The following ZNF420 variants were observed in gnomAD, a reference collection of about 807,000 sequenced individuals.
ZNF420 encodes zinc finger protein 420.
Under a neutral mutation model 44.7 loss-of-function variants are expected in ZNF420, and 31 were observed. The observed-to-expected ratio is 0.69, with a 90% CI of 0.52 to 0.94. The LOEUF is 0.94. Ranked by LOEUF, ZNF420 falls within the 40% of genes least tolerant of loss-of-function variation. ZNF420 has a pLI of 0.00. For missense variants in ZNF420, 681 were observed against 827.9 expected, an observed-to-expected ratio of 0.82 and a Z score of 2.18; for synonymous variants, 245 against 267.4, an observed-to-expected ratio of 0.92 and a Z score of 0.82.
At chr19:37,060,266 C>T (rs1156434600) in intron 1 of ZNF420, among the ~76,000 whole-genome samples, 1 of 152,146 alleles carries the variant, frequency 6.6e-6, no homozygotes, top group Non-Finnish European at 1.5e-5. Context: ...TGTATCTCCT[C>T]GCGTCTCTTC....
rs778151573 is a variant in ZNF420 at position 37,128,158 on chromosome 19, G to A, written c.1167G>A (p.Lys389=). The stretch of plus-strand genomic sequence containing the variant: ...ACCAGAGAATTCACACCAATGAAAA[G>A]CCCTATGAATGTAAGGAATGTGGAA... ...TQHQRIHTNE[K]PYECKECGKM... The change falls in exon 5 of 5, where the codon AAG becomes AAA. Residue 389 remains lysine (K), a synonymous_variant. Coordinates refer to ENST00000337995, the MANE Select transcript of ZNF420 (RefSeq NM_144689.5). 1.9e-6 allele frequency: 3 copies of A among 1,613,622 alleles called. No individual in the cohort carries two copies. Among genetic ancestry groups the A allele is most frequent in the Non-Finnish European group, 2.5e-6 (3 of 1,179,894 alleles).
intron 1 of ZNF420, among the ~76,000 whole-genome samples, chr19:37,068,256 G>A (rs1968002040): frequency 1.3e-5 from 2 of 152,060 alleles, no homozygotes; most frequent in African/African-American, 4.8e-5. Flanking sequence ...AAAAGGTTGG[G>A]GAGGGGGAAC....
intron 2 of ZNF420, among the ~76,000 whole-genome samples, chr19:37,086,204 C>T (rs1968768099): frequency 1.3e-5 from 2 of 152,058 alleles, no homozygotes; most frequent in Admixed American, 1.3e-4. Flanking sequence ...TTCTGCATTC[C>T]CTTAGCAGTG....
At chr19:37,011,134 C>T (rs577929245) in intron 1 of ZNF420, among the ~76,000 whole-genome samples, 1 of 152,300 alleles carries the variant, frequency 6.6e-6, no homozygotes, top group African/African-American at 2.4e-5. Flanking sequence ...TCTGAGGGGC[C>T]TAGATGCTTC....
chr19:37,089,717 A>C (rs1969027472), intron 3 of ZNF420, among the ~76,000 whole-genome samples: 1 of 152,214 alleles, frequency 6.6e-6, no homozygotes, highest in South Asian at 2.1e-4. Flanking sequence ...GAAAAGTTAC[A>C]TTTACGGATG....
chr19:37,068,118 A>G (rs1022765095), intron 1 of ZNF420, among the ~76,000 whole-genome samples: 2 of 152,150 alleles, frequency 1.3e-5, no homozygotes, highest in African/African-American at 2.4e-5. Context: ...GTATTCTAAC[A>G]TCATTATTTT....
At chr19:37,008,998 G>A (rs2074548725) in intron 1 of ZNF420, among the ~76,000 whole-genome samples, 1 of 152,192 alleles carries the variant, frequency 6.6e-6, no homozygotes, top group Non-Finnish European at 1.5e-5. Flanking sequence ...AGACAGGGAA[G>A]CTCCCTTGGT....
chr19:37,083,072 G>C (rs1319981160), intron 2 of ZNF420, among the ~76,000 whole-genome samples: 1 of 151,740 alleles, frequency 6.6e-6, no homozygotes, highest in Admixed American at 6.6e-5. Context: ...TGTTGGCCAG[G>C]ATGGTCTCGA....
At chr19:37,041,827 A>G (rs1047359155) in intron 1 of ZNF420, among the ~76,000 whole-genome samples, 2 of 152,144 alleles carry the variant, frequency 1.3e-5, no homozygotes, top group Non-Finnish European at 2.9e-5. Context: ...CTGTAGACAC[A>G]TACACTTTTT....
In ZNF420 at chr19:37,130,137, A is replaced by T. The variant is rs1365821157; in HGVS notation, c.*1079A>T. ...TTTTTTCCGTGCCTACAATGTGGAC[A>T]TCTAAGCTGGAGCTCCGTTACTCTC... On this transcript the variant is annotated 3_prime_UTR_variant, in exon 5 of 5. Coordinates refer to ENST00000337995, the MANE Select transcript of ZNF420 (RefSeq NM_144689.5). 6.4e-7 allele frequency: 1 copy of T among 1,550,420 alleles called. No homozygotes were observed. Among genetic ancestry groups the T allele is most frequent in the Non-Finnish European group, 8.7e-7 (1 of 1,146,936 alleles).
At position 37,112,271 on chromosome 19, in the gene ZNF420, G is replaced by A. The variant is rs143804518; in HGVS notation, c.137-14857G>A. Among the ~76,000 whole-genome samples the A allele has an allele frequency of 5.9e-4, 90 of 151,796 alleles. No homozygotes were observed. In the East Asian group the frequency reaches 0.01, roughly 18 times the overall value. On this transcript the variant is annotated intron_variant, in intron 4 of 4. Transcript: ENST00000337995. The stretch of plus-strand genomic sequence containing the variant: ...TCCTGGTATATATCCCATCTTAGTC[G>A]TGATTTTTTGATTTGTGGGGCTATA...
intron 1 of ZNF420, among the ~76,000 whole-genome samples, chr19:37,069,212 T>C (rs1968016890): frequency 1.3e-5 from 2 of 152,114 alleles, no homozygotes; most frequent in Admixed American, 1.3e-4. Context: ...ATCGGGCAAA[T>C]CTCGAAAACT....
chr19:37,109,803 T>G (rs1388553607), intron 4 of ZNF420: 1 of 152,236 alleles, frequency 6.6e-6, no homozygotes, highest in East Asian at 1.9e-4. Flanking sequence ...TCATGTGGGC[T>G]ATTCTTTTTT....
chr19:37,022,773 A>G (rs1448878267), intron 1 of ZNF420, among the ~76,000 whole-genome samples: 2 of 152,198 alleles, frequency 1.3e-5, no homozygotes, highest in African/African-American at 2.4e-5. Flanking sequence ...TATGATGCCC[A>G]GAGGGGATAA....
intron 4 of ZNF420, among the ~76,000 whole-genome samples, chr19:37,123,925 T>C (rs916086629): frequency 2.6e-5 from 4 of 152,104 alleles, no homozygotes; most frequent in African/African-American, 7.2e-5. Context: ...TGTCTATATT[T>C]TTAAAAGGAT....
rs576251275 is a variant in ZNF420, at chr19:37,034,179, A to T, written c.-125+26097A>T. 4.0e-5 allele frequency among the ~76,000 whole-genome samples: 6 copies of T among 151,222 alleles called. No individual in the cohort carries two copies. The South Asian group carries it at 1.3e-3, about 32-fold the overall frequency. On this transcript the variant is annotated intron_variant, in intron 1 of 4. Coordinates refer to the ZNF420 transcript ENST00000587029. ...TTTGGCTACATCCTCACCAACACTT[A>T]TTTTTTCCTGTTTTTTTGATGATTG...
intron 4 of ZNF420, among the ~76,000 whole-genome samples, chr19:37,122,549 C>T (rs1015089418): frequency 6.6e-5 from 10 of 152,034 alleles, no homozygotes; most frequent in African/African-American, 2.4e-4. Context: ...ACCAACATGG[C>T]ACATGTATAC....
chr19:37,047,002 CAA>C (rs1021727407), intron 1 of ZNF420, among the ~76,000 whole-genome samples: 5 of 151,150 alleles, frequency 3.3e-5, no homozygotes, highest in Admixed American at 2.0e-4. Flanking sequence ...AAAAGCAAAA[CAA>C]AATAATTTTT....
At chr19:37,061,828 G>GT (rs985371071) in intron 1 of ZNF420, among the ~76,000 whole-genome samples, 2 of 152,142 alleles carry the variant, frequency 1.3e-5, no homozygotes, top group Non-Finnish European at 2.9e-5. Context: ...AACAATACAC[G>GT]TAAGATGAGA....
Sources: gnomAD v4.1 joint callset for allele counts (sites outside exome capture counted in the v4.1 genomes callset) on GRCh38, gnomAD v4.1.1 for gene constraint, MANE v1.5 for transcripts, NCBI Gene and HGNC (gene_info 2026-07-23, HGNC 2026-07-21) for gene names.